The following SLIT3 variants were observed in gnomAD, a reference collection of about 807,000 sequenced individuals.
The protein encoded by SLIT3 is slit homolog 3 protein.
In SLIT3, 68 loss-of-function variants were observed where a neutral mutation model predicts 184.0. The ratio of observed to expected loss-of-function variants is 0.37; its 90% CI spans 0.30 to 0.45. The LOEUF (loss-of-function observed/expected upper bound fraction) is 0.45. Ranked by LOEUF, SLIT3 falls within the 20% of genes least tolerant of loss-of-function variation. The pLI is 1.00. For missense variants in SLIT3, 1,707 were observed against 2,026.0 expected, an observed-to-expected ratio of 0.84 and a Z score of 3.02; for synonymous variants, 831 against 828.6, an observed-to-expected ratio of 1.00 and a Z score of -0.05.
At chr5:168,760,008 A>C (rs1755088913) in intron 16 of SLIT3, among the ~76,000 whole-genome samples, 1 of 152,208 alleles carries the variant, frequency 6.6e-6, no homozygotes, top group African/African-American at 2.4e-5. Context: ...AGCCAGCCTC[A>C]CACTAGCATG....
intron 4 of SLIT3, among the ~76,000 whole-genome samples, chr5:169,034,746 A>ATT (rs60312988): frequency 0.015 from 2,101 of 142,276 alleles, 28 homozygotes; most frequent in African/African-American, 0.04. Context: ...ATTTCCTATG[A>ATT]TTTTTTTTTT....
At chr5:168,722,369 C>T (rs1762971340) in intron 22 of SLIT3, 42 bp from the exon 23 acceptor site, 1 of 1,542,808 alleles carries the variant, frequency 6.5e-7, no homozygotes, top group Non-Finnish European at 9.0e-7. Flanking sequence ...TCTTTCTATT[C>T]TCTACCATGC....
chr5:169,020,580 C>T (rs1756561614), intron 4 of SLIT3, among the ~76,000 whole-genome samples: 1 of 152,182 alleles, frequency 6.6e-6, no homozygotes, highest in South Asian at 2.1e-4. Flanking sequence ...CAATTTGAGT[C>T]ATTATACATT....
chr5:169,244,650 A>G, intron 3 of SLIT3, 55 bp downstream of exon 3: 1 of 1,523,928 alleles, frequency 6.6e-7, no homozygotes, highest in South Asian at 1.1e-5. Flanking sequence ...AAAACAAAAC[A>G]AAAAACACTA....
chr5:169,260,942 A>G (rs960182323), intron 1 of SLIT3, among the ~76,000 whole-genome samples: 4 of 152,216 alleles, frequency 2.6e-5, no homozygotes, highest in Non-Finnish European at 4.4e-5. Flanking sequence ...GATAGTAAAT[A>G]ATTTGGGTTC....
chr5:169,203,357 A>G (rs905373296), intron 3 of SLIT3, among the ~76,000 whole-genome samples: 6 of 105,984 alleles, frequency 5.7e-5, no homozygotes, highest in African/African-American at 2.5e-4. Flanking sequence ...ATGTGCACAC[A>G]CACACACACA....
intron 4 of SLIT3, among the ~76,000 whole-genome samples, chr5:169,109,976 C>T (rs532767965): frequency 5.3e-5 from 8 of 152,278 alleles, no homozygotes; most frequent in African/African-American, 1.4e-4. Context: ...CCTCATGGAG[C>T]GTCTAATAAC....
Position 169,261,462 on chromosome 5 carries a change from CT to C in SLIT3, c.198-10004del, listed in dbSNP as rs557111369. Among the ~76,000 whole-genome samples the C allele has an allele frequency of 2.4e-3, 362 of 152,104 alleles. 3 individuals carry two copies. Among genetic ancestry groups the C allele is most frequent in the African/African-American group, 8.3e-3 (343 of 41,516 alleles). On this transcript the variant is annotated intron_variant, in intron 1 of 35. Coordinates refer to ENST00000519560, the MANE Select transcript of SLIT3 (RefSeq NM_003062.4). ...CCTTCCTTCTTTCTTCTTTTCTTTC[CT>C]TATTTTCTTCTTTCCTTTCCTCCCT...
intron 4 of SLIT3, among the ~76,000 whole-genome samples, chr5:169,082,980 T>A (rs1035269303): frequency 6.6e-6 from 1 of 152,106 alleles, no homozygotes; most frequent in East Asian, 1.9e-4. Context: ...CCAAAGCAAA[T>A]AAAGTGATCA....
chr5:169,274,542 C>T (rs1365900640), intron 1 of SLIT3, among the ~76,000 whole-genome samples: 2 of 152,206 alleles, frequency 1.3e-5, no homozygotes, highest in Middle Eastern at 3.4e-3. Flanking sequence ...GCAAGGGAGC[C>T]GTTCAGTACA....
chr5:169,165,393 C>T (rs1041076961), intron 4 of SLIT3, among the ~76,000 whole-genome samples: 2 of 152,220 alleles, frequency 1.3e-5, no homozygotes, highest in Non-Finnish European at 2.9e-5. Context: ...AAAATGCTTT[C>T]AGAAAGCCAG....
intron 4 of SLIT3, among the ~76,000 whole-genome samples, chr5:169,011,401 A>T (rs11955648): frequency 0.1 from 15,846 of 152,110 alleles, 1,029 homozygotes; most frequent in African/African-American, 0.17. Flanking sequence ...TAGCTACTAA[A>T]GCTTTGGTTT....
intron 4 of SLIT3, among the ~76,000 whole-genome samples, chr5:169,003,944 G>T (rs1442549252): frequency 6.6e-6 from 1 of 152,114 alleles, no homozygotes; most frequent in Non-Finnish European, 1.5e-5. Flanking sequence ...GTCTGGAAGA[G>T]GTTCCTCTTC....
chr5:168,690,463 C>G (rs1761871739), intron 29 of SLIT3, among the ~76,000 whole-genome samples: 1 of 152,220 alleles, frequency 6.6e-6, no homozygotes, highest in South Asian at 2.1e-4. Flanking sequence ...CCATTCCCTG[C>G]CCCTTCCCGG....
rs141851835 is a variant in SLIT3, at chr5:168,899,327, G to A, written c.414-15991C>T. On this transcript the variant is annotated intron_variant, in intron 4 of 35. Coordinates refer to ENST00000519560, the MANE Select transcript of SLIT3 (RefSeq NM_003062.4). ...GGTCAGAAGTTCAAGACTAGCTTAG[G>A]TAACACAGGGAAATCCCATCACTAC... 2.2e-4 allele frequency among the ~76,000 whole-genome samples: 34 copies of A among 152,238 alleles called. No homozygotes were observed. The East Asian group carries it at 5.6e-3, about 25-fold the overall frequency.
At chr5:168,936,092 TAGTGAA>T (rs1424157923) in intron 4 of SLIT3, among the ~76,000 whole-genome samples, 1 of 152,150 alleles carries the variant, frequency 6.6e-6, no homozygotes, top group Non-Finnish European at 1.5e-5. Flanking sequence ...GATGTGAAAT[TAGTGAA>T]AGAGAGCAAA....
chr5:169,002,250 A>G (rs1755728538), intron 4 of SLIT3, among the ~76,000 whole-genome samples: 1 of 128,324 alleles, frequency 7.8e-6, no homozygotes, highest in Non-Finnish European at 1.6e-5. Flanking sequence ...TTGAACTGGG[A>G]GGTGGAGGTT....
At chr5:168,955,086 G>A (rs1295626272) in intron 4 of SLIT3, among the ~76,000 whole-genome samples, 1 of 116,764 alleles carries the variant, frequency 8.6e-6, no homozygotes, top group African/African-American at 3.4e-5. Flanking sequence ...CCTTCCTGAT[G>A]TTGGGGGGTG....
intron 4 of SLIT3, among the ~76,000 whole-genome samples, chr5:168,937,113 T>C (rs1762183199): frequency 6.6e-6 from 1 of 151,570 alleles, no homozygotes; most frequent in South Asian, 2.1e-4. Flanking sequence ...CCAGGTGAAG[T>C]TGGGGGGAAA....
Sources: allele counts gnomAD v4.1 joint callset (sites outside exome capture counted in the v4.1 genomes callset), GRCh38; gene constraint gnomAD v4.1.1; transcripts MANE v1.5; gene names NCBI Gene and HGNC (gene_info 2026-07-23, HGNC 2026-07-21).